The following KIDINS220 variants were observed in gnomAD, a reference collection of about 807,000 sequenced individuals.
The protein encoded by KIDINS220 is kinase D interacting substrate 220, also known as kinase D-interacting substrate of 220 kDa.
Under a neutral mutation model 157.6 loss-of-function variants are expected in KIDINS220, and 63 were observed. The observed-to-expected ratio is 0.40, with a 90% CI of 0.33 to 0.49. The LOEUF (loss-of-function observed/expected upper bound fraction) is 0.49, where lower values mean the gene tolerates loss of function less well. Among genes scored for constraint, KIDINS220 ranks in the 20% least tolerant of loss-of-function variants. The pLI is 0.66. For missense variants in KIDINS220, 1,772 were observed against 2,171.2 expected, an observed-to-expected ratio of 0.82 and a Z score of 3.65; for synonymous variants, 732 against 783.6, an observed-to-expected ratio of 0.93 and a Z score of 1.10.
chr2:8,796,753 T>C lies in KIDINS220; in HGVS notation c.1098+18A>G. ...CAACAGCTTTCCATACAGTGTTCTC[T>C]CCGCACAGATGTTTTACCTTATCTA... On this transcript the variant is annotated intron_variant, in intron 11 of 29. Transcript: ENST00000256707. 1 of 1,587,338 alleles carries C rather than the reference T, an allele frequency of 6.3e-7. No individual in the cohort carries two copies. The highest frequency in any genetic ancestry group is 8.7e-7 in the Non-Finnish European group (1 of 1,155,528).
At chr2:8,778,777 T>C in intron 19 of KIDINS220, 50 bp from the exon 20 acceptor site, 1 of 1,586,072 alleles carries the variant, frequency 6.3e-7, no homozygotes, top group Non-Finnish European at 8.7e-7. Context: ...TTCTGTTGTA[T>C]ATGATATTTA....
In KIDINS220 at chr2:8,744,386, A is replaced by AT. The variant is rs1558328127; in HGVS notation, c.3585+2758_3585+2759insA. On this transcript the variant is annotated intron_variant, in intron 26 of 29. Transcript: ENST00000256707. ...GGCAAAAAAAAAAAAAAAAAAAAAA[A>AT]AAATATATATATATAATATATATAT... is the stretch of plus-strand genomic sequence containing the variant. 3.3e-3 allele frequency among the ~76,000 whole-genome samples: 88 copies of AT among 26,860 alleles called. 3 individuals are homozygous for AT. The highest frequency in any genetic ancestry group is 5.7e-3 in the Admixed American group (8 of 1,408). The allele number at this position is 26,860 out of a possible 152,430, so 17.6% of individuals were successfully genotyped here.
rs947549872 is a variant in KIDINS220 at position 8,729,735 on chromosome 2, T to C, written c.*985A>G. 15 of 983,816 alleles carry C rather than the reference T, an allele frequency of 1.5e-5. No homozygotes were observed. Among genetic ancestry groups the C allele is most frequent in the Middle Eastern group, 5.2e-4 (1 of 1,932 alleles). The allele number at this position is 983,816 out of a possible 1,614,324, so 60.9% of individuals were successfully genotyped here. On this transcript the variant is annotated 3_prime_UTR_variant, in exon 30 of 30. Transcript: ENST00000256707. ...AAGTCTATCCTAGTATAGAGAGCAA[T>C]GATTTAGTTTTACCTAATTAAATAT...
intron 22 of KIDINS220, among the ~76,000 whole-genome samples, chr2:8,761,542 T>C (rs931722096): frequency 3.9e-5 from 6 of 152,174 alleles, no homozygotes; most frequent in Non-Finnish European, 1.5e-5. Flanking sequence ...TTAAAAACTA[T>C]GTCATATGAA....
intron 22 of KIDINS220, chr2:8,757,728 A>G (rs1572525213): frequency 6.2e-7 from 1 of 1,612,446 alleles, no homozygotes; most frequent in Non-Finnish European, 8.5e-7. Context: ...CAACATGGCA[A>G]CTAACACTGA....
rs977660331 is a variant in KIDINS220 at position 8,730,040 on chromosome 2, C to A, written c.*680G>T. ...GAGAGAAGAGTTTCCGACATATAAA[C>A]CCACGGAGGTCACCAGCCCTCCCCG... On this transcript the variant is annotated 3_prime_UTR_variant, in exon 30 of 30. Coordinates refer to ENST00000256707, the MANE Select transcript of KIDINS220 (RefSeq NM_020738.4). 2 of 985,364 alleles carry A rather than the reference C, an allele frequency of 2.0e-6. No homozygotes were observed. Among genetic ancestry groups the A allele is most frequent in the African/African-American group, 3.5e-5 (2 of 57,210 alleles). 61.0% of individuals were successfully genotyped at this position (985,364 alleles called of 1,614,324 possible). A position where few individuals can be genotyped will look rare whatever the true frequency, so the allele number is the denominator to read the frequency against.
At chr2:8,808,037 T>A (rs1346187203) in intron 6 of KIDINS220, among the ~76,000 whole-genome samples, 1 of 151,776 alleles carries the variant, frequency 6.6e-6, no homozygotes, top group Non-Finnish European at 1.5e-5. Context: ...TGCAGGACGA[T>A]CACTTAAACC....
chr2:8,746,527 A>G (rs1666603800), intron 26 of KIDINS220: 1 of 150,952 alleles, frequency 6.6e-6, no homozygotes, highest in South Asian at 2.1e-4. Context: ...AAAAATAAAT[A>G]AATAAATAAA....
chr2:8,778,892 T>C lies in KIDINS220; in HGVS notation c.2614+4A>G. On this transcript the variant is annotated splice_donor_region_variant and intron_variant, in intron 19 of 29. Coordinates refer to ENST00000256707, the MANE Select transcript of KIDINS220 (RefSeq NM_020738.4). Reference sequence around the variant, plus strand: ...TCAAAGTACTTTAGGAGCCTGAGCTTTACCTGTAGTATCTGAGCATGGAAC... The same window carrying C: ...TCAAAGTACTTTAGGAGCCTGAGCTCTACCTGTAGTATCTGAGCATGGAAC... 1 of 1,613,892 alleles carries C rather than the reference T, an allele frequency of 6.2e-7. No individual in the cohort carries two copies. The highest frequency in any genetic ancestry group is 1.1e-5 in the South Asian group (1 of 91,068).
At chr2:8,791,888 G>A (rs1035790563) in intron 12 of KIDINS220, among the ~76,000 whole-genome samples, 8 of 150,980 alleles carry the variant, frequency 5.3e-5, no homozygotes, top group African/African-American at 1.9e-4. Flanking sequence ...TGTAAGAATA[G>A]AAAAAAAAAT....
rs1170313673 is a variant in KIDINS220 at position 8,778,627 on chromosome 2, A to G, written c.2703+12T>C. The G allele has an allele frequency of 6.3e-7, 1 of 1,586,088 alleles. No individual in the cohort carries two copies. The highest frequency in any genetic ancestry group is 1.7e-5 in the Admixed American group (1 of 59,992). Reference sequence around the variant, plus strand: ...AATACAAACATACAGCTCGAAGCCAATGGCATCTTACCCGTCTATTGAGGG... The same window carrying G: ...AATACAAACATACAGCTCGAAGCCAGTGGCATCTTACCCGTCTATTGAGGG... On this transcript the variant is annotated intron_variant, in intron 20 of 29. Coordinates refer to ENST00000256707, the MANE Select transcript of KIDINS220 (RefSeq NM_020738.4).
rs1664982682 is a variant in KIDINS220, at chr2:8,737,081, A to AT, written c.3586-83dup. 5 of 1,342,538 alleles carry AT rather than the reference A, an allele frequency of 3.7e-6. No homozygotes were observed. The East Asian group carries it at 7.1e-5, about 19-fold the overall frequency. The allele number at this position is 1,342,538 out of a possible 1,614,324, so 83.2% of individuals were successfully genotyped here. On this transcript the variant is annotated intron_variant, in intron 26 of 29. Coordinates refer to ENST00000256707, the MANE Select transcript of KIDINS220 (RefSeq NM_020738.4). ...GAGGTCATGTGACAGAGAAAAACTC[A>AT]TTAAGTTATACCATGAAGTAAAGTA...
At chr2:8,792,149 T>C (rs1269945338) in intron 12 of KIDINS220, among the ~76,000 whole-genome samples, 3 of 152,094 alleles carry the variant, frequency 2.0e-5, no homozygotes, top group African/African-American at 4.8e-5. Context: ...AGTAAAACCA[T>C]AGAAGTACTA....
chr2:8,829,789 C>T (rs771729750), intron 1 of KIDINS220, among the ~76,000 whole-genome samples: 10 of 151,982 alleles, frequency 6.6e-5, no homozygotes, highest in Admixed American at 2.0e-4. Flanking sequence ...GAATGTGATG[C>T]TTCTATCATT....
Position 8,736,722 on chromosome 2 carries a change from T to A in KIDINS220, c.3717+146A>T, listed in dbSNP as rs1364909700. 6 of 823,996 alleles carry A rather than the reference T, an allele frequency of 7.3e-6. No individual in the cohort carries two copies. The African/African-American group carries it at 8.5e-5, about 12-fold the overall frequency. 51.0% of individuals were successfully genotyped at this position (823,996 alleles called of 1,614,324 possible). On this transcript the variant is annotated intron_variant, in intron 27 of 29. Transcript: ENST00000256707. ...AGGGCAATTTTAGAATACAAACTAG[T>A]AAGAATTATGTTTTCCATTTAGAGC...
chr2:8,740,164 G>C, intron 26 of KIDINS220: 1 of 984,140 alleles, frequency 1.0e-6, no homozygotes, highest in Non-Finnish European at 1.2e-6. Context: ...GTCTCTGTTT[G>C]TTAAACCCAG....
At position 8,779,050 on chromosome 2, in the gene KIDINS220, A is replaced by G; in HGVS notation, c.2460T>C (p.Asn820=). ...TTATATTTGAATCCCGAAGCACACT[A>G]TTGAGGTTCTGGTTAATTGCCTTTA... ...IIIKAINQNL[N]SVLRDSNING... Residue 820 remains asparagine, a synonymous_variant, in exon 19 of 30, where the codon AAT becomes AAC. Coordinates refer to ENST00000256707, the MANE Select transcript of KIDINS220 (RefSeq NM_020738.4). 1 of 1,614,130 alleles carries G rather than the reference A, an allele frequency of 6.2e-7. No homozygotes were observed. The highest frequency in any genetic ancestry group is 2.2e-5 in the East Asian group (1 of 44,886).
chr2:8,766,346 CA>C (rs1669495313), intron 22 of KIDINS220, among the ~76,000 whole-genome samples: 2 of 152,182 alleles, frequency 1.3e-5, no homozygotes, highest in South Asian at 4.1e-4. Flanking sequence ...TTGCCTCCTT[CA>C]ACCCTTCCTC....
intron 22 of KIDINS220, among the ~76,000 whole-genome samples, chr2:8,767,730 T>G (rs1669664090): frequency 6.6e-6 from 1 of 152,136 alleles, no homozygotes; most frequent in Admixed American, 6.6e-5. Flanking sequence ...AAGCTTTGGG[T>G]GAATATCAGG....
Sources: gnomAD v4.1 joint callset for allele counts (sites outside exome capture counted in the v4.1 genomes callset) on GRCh38, gnomAD v4.1.1 for gene constraint, MANE v1.5 for transcripts, NCBI Gene and HGNC (gene_info 2026-07-23, HGNC 2026-07-21) for gene names.